Variants in MYOF observed in about 807,000 individuals in gnomAD.
MYOF encodes myoferlin, also known as fer-1-like 3, myoferlin.
A neutral mutation model predicts 284.2 loss-of-function variants in MYOF; 244 were observed. The ratio of observed to expected loss-of-function variants is 0.86; its 90% confidence interval spans 0.77 to 0.95. MYOF has a LOEUF of 0.95. Among genes scored for constraint, MYOF ranks in the 40% least tolerant of loss-of-function variants. The pLI is 0.00. For missense variants in MYOF, 2,496 were observed against 2,560.6 expected (o/e 0.97, Z 0.54); for synonymous variants, 904 against 919.7 (o/e 0.98, Z 0.31).
At chr10:93,336,901 GAAGA>G (rs1173976943) in intron 40 of MYOF, among the ~76,000 whole-genome samples, 1 of 108,842 alleles carries the variant, frequency 9.2e-6, no homozygotes, top group Non-Finnish European at 2.0e-5. Context: ...GAAGGAAAGA[GAAGA>G]AAGGAAGGAA....
chr10:93,462,479 G>T (rs1257193132), intron 1 of MYOF, among the ~76,000 whole-genome samples: 3 of 152,098 alleles, frequency 2.0e-5, no homozygotes, highest in African/African-American at 7.2e-5. Context: ...GCCCAGAATG[G>T]TTAGGTAACT....
intron 1 of MYOF, among the ~76,000 whole-genome samples, chr10:93,479,637 C>A (rs1267732891): frequency 2.0e-5 from 3 of 152,150 alleles, no homozygotes; most frequent in African/African-American, 4.8e-5. Context: ...CGGAAGGCAT[C>A]TAAAGACCAG....
intron 2 of MYOF, among the ~76,000 whole-genome samples, chr10:93,455,170 T>C (rs2056710400): frequency 1.3e-5 from 2 of 151,504 alleles, no homozygotes; most frequent in Admixed American, 6.6e-5. Context: ...ATGCCTGTAA[T>C]CCCAGCTACT....
Position 93,337,875 on chromosome 10 carries a change from A to C in MYOF, c.4377T>G (p.Ala1459=), listed in dbSNP as rs34406474. Residue 1459 remains alanine (A), a synonymous_variant, in exon 40 of 54, where the codon GCT becomes GCG. Coordinates refer to ENST00000359263, the MANE Select transcript of MYOF (RefSeq NM_013451.4). ...EIVDWWSKFY[A]SSGEHEKCGQ... ...CGCATTTTTCATGTTCCCCTGAGGAAGCATAAAATTTACTCCACCAGTCCA... is the reference window on the plus strand; with the variant it reads ...CGCATTTTTCATGTTCCCCTGAGGACGCATAAAATTTACTCCACCAGTCCA... The C allele has an allele frequency of 6.2e-7, 1 of 1,614,138 alleles. No homozygotes were observed.
chr10:93,338,404 T>C (rs1202870459), intron 39 of MYOF: 2 of 456,494 alleles, frequency 4.4e-6, no homozygotes, highest in Non-Finnish European at 8.8e-6. Flanking sequence ...AGCCATACCC[T>C]TATGTTTCAA....
intron 37 of MYOF, among the ~76,000 whole-genome samples, chr10:93,345,958 G>A (rs558812021): frequency 1.6e-4 from 24 of 152,238 alleles, no homozygotes; most frequent in East Asian, 7.7e-4. Flanking sequence ...CAGAGAAAGC[G>A]TGTAGCATTT....
chr10:93,315,107 T>C (rs1353181880), intron 50 of MYOF, among the ~76,000 whole-genome samples: 1 of 152,166 alleles, frequency 6.6e-6, no homozygotes, highest in Non-Finnish European at 1.5e-5. Flanking sequence ...ATCCATATAC[T>C]TTATGTAAGC....
intron 28 of MYOF, among the ~76,000 whole-genome samples, 158 bp downstream of exon 28, chr10:93,361,294 C>G (rs953009407): frequency 1.3e-5 from 2 of 152,148 alleles, no homozygotes; most frequent in Non-Finnish European, 2.9e-5. Context: ...CGGCCTTGTT[C>G]CTAAAAGGCC....
chr10:93,436,455 A>T (rs76793587), intron 3 of MYOF, among the ~76,000 whole-genome samples: 21,517 of 150,620 alleles, frequency 0.14, 1,631 homozygotes, highest in Middle Eastern at 0.2. Flanking sequence ...TAGGGGGGAC[A>T]CATAAAAGAA....
At chr10:93,331,396 C>T (rs548900028) in intron 43 of MYOF, among the ~76,000 whole-genome samples, 65 of 152,300 alleles carry the variant, frequency 4.3e-4, no homozygotes, top group African/African-American at 1.5e-3. Context: ...CCGAGCAGAG[C>T]CTACAGCACC....
chr10:93,350,271 G>A (rs374907766), intron 35 of MYOF, among the ~76,000 whole-genome samples: 10 of 151,984 alleles, frequency 6.6e-5, no homozygotes, highest in South Asian at 2.1e-4. Context: ...AAGACTGATC[G>A]TATTATCTGT....
chr10:93,431,205 T>A (rs1272123603), intron 4 of MYOF, among the ~76,000 whole-genome samples: 1 of 151,984 alleles, frequency 6.6e-6, no homozygotes, highest in African/African-American at 2.4e-5. Flanking sequence ...ATTTTTGTAT[T>A]TTTAGTTGGG....
At chr10:93,382,942 C>T (rs191896012) in intron 19 of MYOF, among the ~76,000 whole-genome samples, 1 of 152,306 alleles carries the variant, frequency 6.6e-6, no homozygotes, top group East Asian at 1.9e-4. Flanking sequence ...GTCACCCTGG[C>T]TGGAGTACAG....
At chr10:93,393,051 AT>A in intron 16 of MYOF, 96 bp from the exon 17 acceptor site, 1 of 1,097,504 alleles carries the variant, frequency 9.1e-7, no homozygotes, top group Non-Finnish European at 1.4e-6. Flanking sequence ...CAGGTATGTG[AT>A]TTAGCAACAC....
At chr10:93,363,265 A>G (rs759786197) in intron 27 of MYOF, among the ~76,000 whole-genome samples, 9 of 152,254 alleles carry the variant, frequency 5.9e-5, no homozygotes, top group Middle Eastern at 3.2e-3. Context: ...ACAGACATCA[A>G]TGGTTATCTT....
chr10:93,385,396 G>A (rs1446535475), intron 19 of MYOF, among the ~76,000 whole-genome samples: 3 of 152,176 alleles, frequency 2.0e-5, no homozygotes, highest in Non-Finnish European at 4.4e-5. Context: ...AAGATGGGGA[G>A]CACTTGGCAG....
At chr10:93,441,824 A>C (rs1404651513) in intron 3 of MYOF, among the ~76,000 whole-genome samples, 1 of 151,964 alleles carries the variant, frequency 6.6e-6, no homozygotes, top group East Asian at 1.9e-4. Context: ...CGGCCTCCCA[A>C]AGTGCTAGAA....
At position 93,325,880 on chromosome 10, in the gene MYOF, A is replaced by G. The variant is rs758414650; in HGVS notation, c.5217T>C (p.Pro1739=). ...LHILRTQGLV[P]EHVETRTLHS... is the part of the protein sequence containing the mutation. ...GCAAAGTCCTTGTTTCCACGTGCTC[A>G]GGGACCAGCCCCTGAGTCCTGAGGA... The change falls in exon 46 of 54, where the codon CCT becomes CCC. Residue 1739 remains proline (P), a synonymous_variant. Transcript: ENST00000359263. 3.1e-6 allele frequency: 5 copies of G among 1,613,982 alleles called. No individual in the cohort carries two copies. Among genetic ancestry groups the G allele is most frequent in the South Asian group, 1.1e-5 (1 of 91,068 alleles).
At chr10:93,429,188 GTC>G (rs1848727779) in intron 4 of MYOF, among the ~76,000 whole-genome samples, 1 of 152,098 alleles carries the variant, frequency 6.6e-6, no homozygotes, top group Admixed American at 6.6e-5. Flanking sequence ...ATTAAAAAGG[GTC>G]TGGCCCCTTC....
Sources: allele counts gnomAD v4.1 joint callset (sites outside exome capture counted in the v4.1 genomes callset), GRCh38; gene constraint gnomAD v4.1.1; transcripts MANE v1.5; gene names NCBI Gene and HGNC (gene_info 2026-07-23, HGNC 2026-07-21).